Variants in DACH2 observed in about 807,000 individuals in gnomAD.
DACH2 encodes the protein dachshund homolog 2.
In DACH2, 17 loss-of-function variants were observed where a neutral mutation model predicts 35.8. That is an observed-to-expected ratio of 0.48 (90% CI 0.33 to 0.71). DACH2 has a LOEUF of 0.71. DACH2 is among the 30% of genes least tolerant of loss of function. The pLI is 0.02. For synonymous variants in DACH2, 195 were observed against 177.3 expected, an observed-to-expected ratio of 1.10 and a Z score of -0.79; for missense variants, 469 against 472.7, an observed-to-expected ratio of 0.99 and a Z score of 0.07.
chrX:86,576,186 A>G (rs901023651), intron 3 of DACH2, among the ~76,000 whole-genome samples: 12 of 111,850 alleles, frequency 1.1e-4, no homozygotes, highest in Non-Finnish European at 2.1e-4. Flanking sequence ...GTCTAAAATC[A>G]TTCACAAATA....
At chrX:86,350,996 T>C (rs1467780317) in intron 1 of DACH2, among the ~76,000 whole-genome samples, 1 of 17,673 alleles carries the variant, frequency 5.7e-5, no homozygotes, top group Non-Finnish European at 7.5e-5. Context: ...TGATTCTTCC[T>C]ACCCATGAGC....
intron 4 of DACH2, among the ~76,000 whole-genome samples, chrX:86,669,412 A>T (rs1300917708): frequency 9.0e-6 from 1 of 111,505 alleles, no homozygotes; most frequent in East Asian, 2.8e-4. Flanking sequence ...TGGCAAAAAA[A>T]GATATTATAT....
chrX:86,233,912 C>T (rs752384485), intron 1 of DACH2, among the ~76,000 whole-genome samples: 2 of 111,918 alleles, frequency 1.8e-5, no homozygotes, highest in East Asian at 5.7e-4. Flanking sequence ...AAATAATCTC[C>T]TACCGTGTCC....
intron 4 of DACH2, among the ~76,000 whole-genome samples, chrX:86,668,571 G>T (rs930251694): frequency 9.0e-6 from 1 of 111,592 alleles, no homozygotes; most frequent in African/African-American, 3.3e-5. Context: ...AATTAGATGT[G>T]GGAATTGGTC....
At chrX:86,294,828 G>A (rs1442852491) in intron 1 of DACH2, among the ~76,000 whole-genome samples, 7 of 108,685 alleles carry the variant, frequency 6.4e-5, no homozygotes, top group African/African-American at 2.4e-4. Context: ...CTTCAAAGCT[G>A]TCAGACAGGG....
At chrX:86,511,552 G>A (rs767279995) in intron 2 of DACH2, among the ~76,000 whole-genome samples, 2 of 111,457 alleles carry the variant, frequency 1.8e-5, no homozygotes, top group South Asian at 7.6e-4. Context: ...CTCCTGAAAG[G>A]CAAAACTTGT....
chrX:86,415,834 G>T (rs772475671), intron 2 of DACH2, among the ~76,000 whole-genome samples: 83 of 111,953 alleles, frequency 7.4e-4, no homozygotes, highest in Non-Finnish European at 1.3e-3. Context: ...TTAGTTAGAT[G>T]TCTGGGAGAG....
intron 6 of DACH2, among the ~76,000 whole-genome samples, chrX:86,716,950 C>T (rs183531661): frequency 2.1e-4 from 23 of 111,831 alleles, no homozygotes; most frequent in African/African-American, 6.8e-4. Context: ...GAAATTAGAT[C>T]ACATGCTTAT....
chrX:86,610,902 C>T (rs1386683568), intron 3 of DACH2, among the ~76,000 whole-genome samples: 1 of 111,103 alleles, frequency 9.0e-6, no homozygotes, highest in Non-Finnish European at 1.9e-5. Context: ...TTGGTGCTCC[C>T]CCACCCTGTA....
chrX:86,728,054 A>T (rs1160616549), intron 6 of DACH2, among the ~76,000 whole-genome samples: 1 of 112,228 alleles, frequency 8.9e-6, no homozygotes, highest in Non-Finnish European at 1.9e-5. Context: ...AGACTGATTA[A>T]ATGGTAGTGA....
chrX:86,423,566 C>A (rs1176568146), intron 2 of DACH2, among the ~76,000 whole-genome samples: 1 of 108,259 alleles, frequency 9.2e-6, no homozygotes, highest in Non-Finnish European at 1.9e-5. Flanking sequence ...ATATATTCTA[C>A]CCTTTTCAGA....
chrX:86,204,597 G>A (rs965260224), intron 1 of DACH2, among the ~76,000 whole-genome samples: 3 of 111,711 alleles, frequency 2.7e-5, no homozygotes, highest in Non-Finnish European at 3.8e-5. Context: ...AATGAGTTGC[G>A]TCAGTTGACT....
At chrX:86,277,044 AT>A (rs746787317) in intron 1 of DACH2, among the ~76,000 whole-genome samples, 51 of 110,750 alleles carry the variant, frequency 4.6e-4, no homozygotes, top group African/African-American at 1.5e-3. Flanking sequence ...AAACTTTAGG[AT>A]TTTTTTTCTA....
chrX:86,175,453 T>A (rs2031269584), intron 1 of DACH2, among the ~76,000 whole-genome samples: 1 of 111,489 alleles, frequency 9.0e-6, no homozygotes, highest in South Asian at 3.8e-4. Context: ...AACAACTCTT[T>A]CCAGGGATTT....
At chrX:86,646,281 A>G (rs966403493) in intron 3 of DACH2, among the ~76,000 whole-genome samples, 4 of 109,536 alleles carry the variant, frequency 3.7e-5, no homozygotes, top group African/African-American at 1.3e-4. Context: ...TAGTCATTGG[A>G]GATTCAGAAG....
At chrX:86,677,815 C>T (rs1366192437) in intron 4 of DACH2, among the ~76,000 whole-genome samples, 1 of 112,273 alleles carries the variant, frequency 8.9e-6, no homozygotes, top group Non-Finnish European at 1.9e-5. Context: ...GTACAGGCAG[C>T]TCAACTAATT....
chrX:86,722,714 C>A (rs185955344), intron 6 of DACH2, among the ~76,000 whole-genome samples: 3 of 111,081 alleles, frequency 2.7e-5, no homozygotes, highest in Admixed American at 1.9e-4. Context: ...TATATATTAT[C>A]TTTTTGATGT....
chrX:86,190,379 C>T (rs2031796167), intron 1 of DACH2, among the ~76,000 whole-genome samples: 1 of 111,004 alleles, frequency 9.0e-6, no homozygotes, highest in African/African-American at 3.3e-5. Flanking sequence ...TATTTCACTA[C>T]TCATTTCTCT....
At chrX:86,275,236 C>G (rs1335040579) in intron 1 of DACH2, among the ~76,000 whole-genome samples, 1 of 111,890 alleles carries the variant, frequency 8.9e-6, no homozygotes, top group African/African-American at 3.2e-5. Flanking sequence ...CTTAAAACTT[C>G]TTTTTAATTC....
Sources: gnomAD v4.1 joint callset for allele counts (sites outside exome capture counted in the v4.1 genomes callset) on GRCh38, gnomAD v4.1.1 for gene constraint, MANE v1.5 for transcripts, NCBI Gene and HGNC (gene_info 2026-07-23, HGNC 2026-07-21) for gene names.